Variants in ST3GAL1 observed in about 807,000 individuals in gnomAD.
The protein encoded by ST3GAL1 is ST3 beta-galactoside alpha-2,3-sialyltransferase 1.
In ST3GAL1, 16 loss-of-function variants were observed where a neutral mutation model predicts 34.1. That is an observed-to-expected ratio of 0.47 (90% CI 0.32 to 0.71). ST3GAL1 has a LOEUF of 0.71. Ranked by LOEUF, ST3GAL1 falls within the 30% of genes least tolerant of loss-of-function variation. The pLI, the probability that ST3GAL1 is intolerant of heterozygous loss-of-function variation, is 0.04. For missense variants in ST3GAL1, 353 were observed against 447.4 expected (o/e 0.79, Z 1.90); for synonymous variants, 191 against 184.7 (o/e 1.03, Z -0.28).
At chr8:133,494,277 A>G (rs1816875991) in intron 3 of ST3GAL1, among the ~76,000 whole-genome samples, 1 of 152,172 alleles carries the variant, frequency 6.6e-6, no homozygotes, top group Non-Finnish European at 1.5e-5. Context: ...GTGCCCTGGA[A>G]TCTGTTCCAA....
chr8:133,552,423 C>T (rs759010530), intron 1 of ST3GAL1, among the ~76,000 whole-genome samples: 10 of 152,302 alleles, frequency 6.6e-5, no homozygotes, highest in South Asian at 2.1e-4. Context: ...CTGGAAGGCC[C>T]TCAGCAGAGC....
intron 1 of ST3GAL1, among the ~76,000 whole-genome samples, chr8:133,562,955 G>A (rs1354763134): frequency 6.7e-6 from 1 of 149,832 alleles, no homozygotes; most frequent in Non-Finnish European, 1.5e-5. Context: ...GGCTTTTTGA[G>A]CTTGAAACAA....
At chr8:133,482,904 TCAA>T (rs373515250) in intron 3 of ST3GAL1, among the ~76,000 whole-genome samples, 11 of 152,084 alleles carry the variant, frequency 7.2e-5, no homozygotes, top group Middle Eastern at 3.4e-3. Context: ...CCAACAGTTG[TCAA>T]CAACAACAAC....
chr8:133,503,967 TACA>T (rs1189997131), intron 2 of ST3GAL1, among the ~76,000 whole-genome samples: 2 of 152,170 alleles, frequency 1.3e-5, no homozygotes, highest in Non-Finnish European at 2.9e-5. Context: ...GTGGGATGTC[TACA>T]CTGTACATGG....
chr8:133,476,166 C>T (rs1816169531), intron 4 of ST3GAL1, 92 bp from the exon 5 acceptor site: 1 of 897,906 alleles, frequency 1.1e-6, no homozygotes, highest in Non-Finnish European at 1.6e-6. Context: ...ACAAGGGCCG[C>T]TAAGCTCGAC....
chr8:133,567,905 A>C (rs1229775796), intron 1 of ST3GAL1, among the ~76,000 whole-genome samples: 2 of 145,336 alleles, frequency 1.4e-5, no homozygotes, highest in Non-Finnish European at 3.0e-5. Context: ...CGGGCAGCAG[A>C]ACTCTAAAGC....
intron 2 of ST3GAL1, among the ~76,000 whole-genome samples, chr8:133,506,230 T>G (rs1234165949): frequency 6.6e-6 from 1 of 152,182 alleles, no homozygotes; most frequent in Non-Finnish European, 1.5e-5. Flanking sequence ...TTTGAGACTT[T>G]GAATAGGTTA....
At position 133,550,117 on chromosome 8, in the gene ST3GAL1, T is replaced by C. The variant is rs149868783; in HGVS notation, c.-581-4191A>G. Among the ~76,000 whole-genome samples the C allele has an allele frequency of 1.5e-3, 222 of 152,308 alleles. 1 individual carries two copies. The highest frequency in any genetic ancestry group is 5.2e-3 in the African/African-American group (217 of 41,560). On this transcript the variant is annotated intron_variant, in intron 1 of 9. Coordinates refer to ENST00000522652, the MANE Select transcript of ST3GAL1 (RefSeq NM_173344.3). ...TATTCCACTGTCTTTCTGCCCCAGA[T>C]CCCAGGAACAGCCTGATGAGCTCCT...
intron 1 of ST3GAL1, among the ~76,000 whole-genome samples, chr8:133,560,747 T>G (rs1348865785): frequency 6.6e-6 from 1 of 152,202 alleles, no homozygotes; most frequent in African/African-American, 2.4e-5. Context: ...GCATGGGGCC[T>G]GAGGTCTCAG....
chr8:133,560,696 C>T (rs1389056138), intron 1 of ST3GAL1, among the ~76,000 whole-genome samples: 2 of 152,060 alleles, frequency 1.3e-5, no homozygotes, highest in African/African-American at 2.4e-5. Context: ...TTCCAGAGTC[C>T]CCACTTAGCC....
intron 3 of ST3GAL1, among the ~76,000 whole-genome samples, chr8:133,490,156 G>T (rs1442378534): frequency 1.3e-5 from 2 of 152,194 alleles, no homozygotes; most frequent in Non-Finnish European, 2.9e-5. Context: ...ACTAGCTAAA[G>T]TGCAGTTCCA....
At chr8:133,462,378 C>T (rs1416861475) in intron 8 of ST3GAL1, among the ~76,000 whole-genome samples, 1 of 152,138 alleles carries the variant, frequency 6.6e-6, no homozygotes, top group Non-Finnish European at 1.5e-5. Flanking sequence ...AAGACATATG[C>T]ACCAAGCCAC....
In ST3GAL1 at chr8:133,459,775, T is replaced by C. The variant is rs1315436321; in HGVS notation, c.1012A>G (p.Lys338Glu). The change falls in exon 10 of 10, where the codon AAG becomes GAG. Residue 338 changes from lysine to glutamate, a missense_variant. Physicochemically the swap from Lys to Glu is moderately conservative, Grantham distance 56. Transcript: ENST00000522652. The surrounding 1 kb of genome is among the most constrained non-coding windows in gnomAD (Gnocchi z 4.7). ...AGCCCTTCACTGCGTCATCTCCCCT[T>C]GAAGATCCGGATTTTATTGATGGAG... ...LASINKIRIFKGR is the reference protein window; with the variant it reads ...LASINKIRIFEGR 2 of 1,612,084 alleles carry C rather than the reference T, an allele frequency of 1.2e-6. No individual in the cohort carries two copies. Among genetic ancestry groups the C allele is most frequent in the Non-Finnish European group, 1.7e-6 (2 of 1,178,838 alleles).
intron 2 of ST3GAL1, among the ~76,000 whole-genome samples, chr8:133,531,713 C>T (rs1005961065): frequency 6.7e-6 from 1 of 149,622 alleles, no homozygotes; most frequent in African/African-American, 2.5e-5. Flanking sequence ...CTGCTTAAAA[C>T]CTAGATGATG....
At chr8:133,498,326 T>C (rs1350264700) in intron 3 of ST3GAL1, among the ~76,000 whole-genome samples, 2 of 152,202 alleles carry the variant, frequency 1.3e-5, no homozygotes, top group African/African-American at 4.8e-5. Context: ...GGAGCAAAGA[T>C]TCATTTTGAT....
In ST3GAL1 at chr8:133,494,913, C is replaced by CTTTTT. The variant is rs34975583; in HGVS notation, c.-374+4217_-374+4221dup. On this transcript the variant is annotated intron_variant, in intron 3 of 9. Transcript: ENST00000522652. The stretch of plus-strand genomic sequence containing the variant: ...TCGGCCTCTGCGTTTTTCCTCTATT[C>CTTTTT]TTTTTTTTTTTTTTTTTTTTTTTGA... Among the ~76,000 whole-genome samples, 270 of 100,702 alleles carry CTTTTT rather than the reference C, an allele frequency of 2.7e-3. 1 individual carries two copies. The highest frequency in any genetic ancestry group is 2.9e-3 in the Non-Finnish European group (155 of 52,796). The allele number at this position is 100,702 out of a possible 152,430, so 66.1% of individuals were successfully genotyped here. A position where few individuals can be genotyped will look rare whatever the true frequency, so the allele number is the denominator to read the frequency against.
intron 2 of ST3GAL1, among the ~76,000 whole-genome samples, chr8:133,502,682 T>A (rs1817220782): frequency 1.3e-5 from 2 of 152,186 alleles, no homozygotes; most frequent in Non-Finnish European, 1.5e-5. Context: ...ATAATTATCA[T>A]CCCCATTTTG....
At chr8:133,525,528 A>T (rs1586641314) in intron 2 of ST3GAL1, among the ~76,000 whole-genome samples, 2 of 151,950 alleles carry the variant, frequency 1.3e-5, no homozygotes, top group Non-Finnish European at 2.9e-5. Context: ...GTGGTGTTTC[A>T]CCTGGGACCT....
intron 1 of ST3GAL1, among the ~76,000 whole-genome samples, chr8:133,563,969 G>A (rs1216272457): frequency 6.6e-6 from 1 of 152,180 alleles, no homozygotes; most frequent in Non-Finnish European, 1.5e-5. Context: ...CCTGAATCCT[G>A]TCTCAGAGTG....
Sources: allele counts gnomAD v4.1 joint callset (sites outside exome capture counted in the v4.1 genomes callset), GRCh38; gene constraint gnomAD v4.1.1; non-coding constraint Gnocchi (gnomAD v3.1); transcripts MANE v1.5; gene names NCBI Gene and HGNC (gene_info 2026-07-23, HGNC 2026-07-21).